The following GRIP1 variants were observed in gnomAD, a reference collection of about 807,000 sequenced individuals.
GRIP1 encodes the protein glutamate receptor interacting protein 1, also known as glutamate receptor-interacting protein 1.
GRIP1 carries 45 observed loss-of-function variants against 129.9 expected under a neutral mutation model. The observed-to-expected ratio is 0.35, with a 90% CI of 0.27 to 0.44. The LOEUF is 0.44. Ranked by LOEUF, GRIP1 falls within the 20% of genes least tolerant of loss-of-function variation. GRIP1 has a pLI of 1.00. For synonymous variants in GRIP1, 530 were observed against 520.8 expected (o/e 1.02, Z -0.24); for missense variants, 1,196 against 1,396.8 (o/e 0.86, Z 2.29).
At chr12:66,581,607 T>C (rs1186325055) in intron 2 of GRIP1, among the ~76,000 whole-genome samples, 1 of 150,748 alleles carries the variant, frequency 6.6e-6, no homozygotes, top group Non-Finnish European at 1.5e-5. Flanking sequence ...CAAACTACCA[T>C]CAGAGAATAC....
At chr12:66,614,348 A>G (rs1196155312) in intron 1 of GRIP1, among the ~76,000 whole-genome samples, 1 of 151,858 alleles carries the variant, frequency 6.6e-6, no homozygotes, top group Non-Finnish European at 1.5e-5. Flanking sequence ...AAACAGAACT[A>G]TTGATTTCCC....
chr12:66,649,212 G>A (rs931679285), intron 1 of GRIP1, among the ~76,000 whole-genome samples: 4 of 152,166 alleles, frequency 2.6e-5, no homozygotes, highest in Non-Finnish European at 4.4e-5. Flanking sequence ...TCTCTTGATA[G>A]TATTTTTAAA....
Position 66,728,149 on chromosome 12 carries a change from G to T in GRIP1, c.-420+75904C>A, listed in dbSNP as rs1044430050. ...ATGTTACAAAAATGAAATGGAGAAAGATAATTCAGATTTTAATGTAGCTCA... is the reference window on the plus strand; with the variant it reads ...ATGTTACAAAAATGAAATGGAGAAATATAATTCAGATTTTAATGTAGCTCA... On this transcript the variant is annotated intron_variant, in intron 1 of 4. Coordinates refer to the GRIP1 transcript ENST00000538373. Among the ~76,000 whole-genome samples the T allele has an allele frequency of 1.3e-5, 2 of 152,166 alleles. 1 individual carries two copies. Among genetic ancestry groups the T allele is most frequent in the South Asian group, 4.1e-4 (2 of 4,828 alleles).
At chr12:66,446,094 G>GC (rs1555185775) in intron 11 of GRIP1, among the ~76,000 whole-genome samples, 1 of 140,400 alleles carries the variant, frequency 7.1e-6, no homozygotes, top group African/African-American at 2.9e-5. Flanking sequence ...CATTCCTCCT[G>GC]CCGCCCCCCA....
At position 66,767,878 on chromosome 12, in the gene GRIP1, G is replaced by A. The variant is rs149293942; in HGVS notation, c.-420+36175C>T. ...TCGAGTTCTTCCCCTTTTGAACAAC[G>A]TGAAGGTACAACAACTCATTTGTAA... On this transcript the variant is annotated intron_variant, in intron 1 of 4. Transcript: ENST00000538373. Among the ~76,000 whole-genome samples, 19 of 152,288 alleles carry A rather than the reference G, an allele frequency of 1.2e-4. 1 individual carries two copies. The highest frequency in any genetic ancestry group is 6.8e-3 in the Middle Eastern group (2 of 294).
chr12:66,522,282 G>A (rs925386181), intron 5 of GRIP1, among the ~76,000 whole-genome samples: 5 of 152,168 alleles, frequency 3.3e-5, no homozygotes, highest in Admixed American at 2.0e-4. Context: ...TCACACGGCC[G>A]GGTACTCCTC....
chr12:66,615,097 A>G (rs2064981929), intron 1 of GRIP1, among the ~76,000 whole-genome samples: 2 of 152,270 alleles, frequency 1.3e-5, no homozygotes, highest in East Asian at 3.9e-4. Flanking sequence ...TATAAACTCC[A>G]TAAGAGCAGG....
At chr12:66,856,821 C>T (rs1420809320) in intron 1 of GRIP1, among the ~76,000 whole-genome samples, 3 of 151,882 alleles carry the variant, frequency 2.0e-5, no homozygotes, top group Non-Finnish European at 4.4e-5. Flanking sequence ...GTGGTGATTC[C>T]TCAGGGATCT....
At chr12:66,853,705 C>G (rs1282836513) in intron 1 of GRIP1, among the ~76,000 whole-genome samples, 1 of 151,978 alleles carries the variant, frequency 6.6e-6, no homozygotes, top group African/African-American at 2.4e-5. Context: ...CAAGTGTGTA[C>G]CAACAATTAC....
intron 1 of GRIP1, among the ~76,000 whole-genome samples, chr12:66,986,747 A>G (rs2042317954): frequency 6.7e-6 from 1 of 148,728 alleles, no homozygotes; most frequent in Non-Finnish European, 1.5e-5. Context: ...GTTAATGGGT[A>G]CAGCACACCA....
chr12:66,972,892 G>A (rs984730515), intron 1 of GRIP1, among the ~76,000 whole-genome samples: 4 of 152,164 alleles, frequency 2.6e-5, no homozygotes, highest in African/African-American at 7.2e-5. Context: ...TTTTAGGGCC[G>A]CCTTCACATT....
intron 1 of GRIP1, among the ~76,000 whole-genome samples, chr12:66,630,559 T>C (rs1190281882): frequency 1.3e-5 from 2 of 152,202 alleles, no homozygotes; most frequent in African/African-American, 4.8e-5. Context: ...GAGAAGTTAG[T>C]TGAAAACAGT....
chr12:66,674,833 G>C (rs1327263313), intron 1 of GRIP1, among the ~76,000 whole-genome samples: 1 of 152,076 alleles, frequency 6.6e-6, no homozygotes, highest in Non-Finnish European at 1.5e-5. Flanking sequence ...TACATGCCCA[G>C]ACAGCAGAAA....
rs537217835 is a variant in GRIP1 at position 66,394,489 on chromosome 12, T to C, written c.1985-137A>G. The C allele has an allele frequency of 1.2e-4, 93 of 765,826 alleles. 2 individuals are homozygous for C. The Admixed American group carries it at 1.5e-3, about 12-fold the overall frequency. 47.4% of individuals were successfully genotyped at this position (765,826 alleles called of 1,614,324 possible). ...CACAGAAAATAATTATTTTGGGAAG[T>C]AGCATTTCCTTAGTAGGATCTTACA... On this transcript the variant is annotated intron_variant, in intron 16 of 24. Transcript: ENST00000359742.
At chr12:66,971,537 G>A (rs1476854524) in intron 1 of GRIP1, among the ~76,000 whole-genome samples, 2 of 152,142 alleles carry the variant, frequency 1.3e-5, no homozygotes. Context: ...GACACTTGCT[G>A]GATAGCAACT....
At chr12:66,912,313 G>T (rs545457901) in intron 1 of GRIP1, among the ~76,000 whole-genome samples, 95 of 151,968 alleles carry the variant, frequency 6.3e-4, no homozygotes, top group African/African-American at 2.2e-3. Context: ...TTAATTTTCT[G>T]GACACAGACT....
At chr12:66,792,810 A>C (rs2038582389) in intron 1 of GRIP1, among the ~76,000 whole-genome samples, 1 of 152,208 alleles carries the variant, frequency 6.6e-6, no homozygotes, top group Admixed American at 6.5e-5. Context: ...GAACACTTTA[A>C]CAAAGCCAAG....
chr12:66,661,276 T>C (rs534411397), intron 1 of GRIP1, among the ~76,000 whole-genome samples: 7 of 152,178 alleles, frequency 4.6e-5, no homozygotes, highest in Admixed American at 4.6e-4. Flanking sequence ...GAGTGTACAG[T>C]TCTTCCGTTG....
chr12:66,426,512 G>A (rs2057992391), intron 14 of GRIP1, among the ~76,000 whole-genome samples: 1 of 152,104 alleles, frequency 6.6e-6, no homozygotes, highest in Non-Finnish European at 1.5e-5. Context: ...TGTTGCTAAT[G>A]ATGTCAATGA....
Sources: gnomAD v4.1 joint callset for allele counts (sites outside exome capture counted in the v4.1 genomes callset) on GRCh38, gnomAD v4.1.1 for gene constraint, MANE v1.5 for transcripts, NCBI Gene and HGNC (gene_info 2026-07-23, HGNC 2026-07-21) for gene names.